Variants in GPR158 observed in about 807,000 individuals in gnomAD.
GPR158 encodes G protein-coupled receptor 158.
A neutral mutation model predicts 78.2 loss-of-function variants in GPR158; 30 were observed. That is an observed-to-expected ratio of 0.38 (90% CI 0.29 to 0.52). The LOEUF (loss-of-function observed/expected upper bound fraction) is 0.52, where lower values mean the gene tolerates loss of function less well. Ranked by LOEUF, GPR158 falls within the 20% of genes least tolerant of loss-of-function variation. GPR158 has a pLI of 0.83. For synonymous variants in GPR158, 581 were observed against 591.1 expected (o/e 0.98, Z 0.25); for missense variants, 1,463 against 1,523.5 (o/e 0.96, Z 0.66).
At chr10:25,206,004 T>G (rs1853023144) in intron 1 of GPR158, among the ~76,000 whole-genome samples, 1 of 125,260 alleles carries the variant, frequency 8.0e-6, no homozygotes, top group African/African-American at 3.2e-5. Flanking sequence ...TTTTTTTTTT[T>G]GAGATGGAGT....
chr10:25,384,943 A>C (rs922569128), intron 2 of GPR158, among the ~76,000 whole-genome samples: 7 of 152,308 alleles, frequency 4.6e-5, no homozygotes, highest in African/African-American at 1.2e-4. Flanking sequence ...TTTTGCTCTA[A>C]AATATTTTTT....
Position 25,314,886 on chromosome 10 carries a change from T to TATATATATATA in GPR158, c.1009-81025_1009-81024insATATATATATA, listed in dbSNP as rs1692175404. Among the ~76,000 whole-genome samples the TATATATATATA allele has an allele frequency of 2.6e-5, 3 of 114,296 alleles. No individual in the cohort carries two copies. In the South Asian group the frequency reaches 9.1e-4, roughly 35 times the overall value. 75.0% of individuals were successfully genotyped at this position (114,296 alleles called of 152,430 possible). A position where few individuals can be genotyped will look rare whatever the true frequency, so the allele number is the denominator to read the frequency against. The stretch of plus-strand genomic sequence containing the variant: ...TCATATATATATATATATATATATA[T>TATATATATATA]GACTAATGAGTTTACACATACACAC... On this transcript the variant is annotated intron_variant, in intron 2 of 10. Coordinates refer to ENST00000376351, the MANE Select transcript of GPR158 (RefSeq NM_020752.3).
intron 5 of GPR158, among the ~76,000 whole-genome samples, chr10:25,481,050 G>A (rs1019325735): frequency 2.0e-5 from 3 of 152,126 alleles, no homozygotes; most frequent in African/African-American, 7.2e-5. Context: ...AGGCAACACA[G>A]CAAAATAAAT....
intron 2 of GPR158, among the ~76,000 whole-genome samples, chr10:25,370,056 CT>C (rs1214869418): frequency 2.8e-5 from 4 of 143,678 alleles, no homozygotes; most frequent in Middle Eastern, 3.6e-3. Context: ...ATTCTTCTCT[CT>C]TTTTTTCTTT....
chr10:25,599,298 G>A lies in GPR158; in HGVS notation c.*24G>A, dbSNP rs1264017640. ...AGCATCTCCAGGAAGAAGAGGAAAA[G>A]GAGGGAACCCCGGATTGGATATGAG... is the stretch of plus-strand genomic sequence containing the variant. On this transcript the variant is annotated 3_prime_UTR_variant, in exon 11 of 11. Transcript: ENST00000376351. 1 of 1,537,068 alleles carries A rather than the reference G, an allele frequency of 6.5e-7. No homozygotes were observed. The highest frequency in any genetic ancestry group is 8.9e-7 in the Non-Finnish European group (1 of 1,125,318).
intron 1 of GPR158, among the ~76,000 whole-genome samples, chr10:25,195,701 T>C (rs1378432444): frequency 1.3e-5 from 2 of 152,230 alleles, no homozygotes; most frequent in African/African-American, 4.8e-5. Context: ...TTCTTATTTC[T>C]AAAATTCTTC....
intron 2 of GPR158, among the ~76,000 whole-genome samples, chr10:25,307,668 C>A (rs1253572273): frequency 1.3e-5 from 2 of 152,142 alleles, no homozygotes; most frequent in Non-Finnish European, 2.9e-5. Flanking sequence ...AGCCACCATA[C>A]CTGTCCCATT....
In GPR158 at chr10:25,363,230, A is replaced by G. The variant is rs1429763964; in HGVS notation, c.1009-32681A>G. On this transcript the variant is annotated intron_variant, in intron 2 of 10. Coordinates refer to ENST00000376351, the MANE Select transcript of GPR158 (RefSeq NM_020752.3). Reference sequence around the variant, plus strand: ...TTTATAGATCCAATCACAGCATCCCATATTTTTATGTCAAATTGTATTTTG... The same window carrying G: ...TTTATAGATCCAATCACAGCATCCCGTATTTTTATGTCAAATTGTATTTTG... Among the ~76,000 whole-genome samples the G allele has an allele frequency of 3.9e-5, 6 of 152,064 alleles. No individual in the cohort carries two copies. In the East Asian group the frequency reaches 1.2e-3, roughly 30 times the overall value.
At chr10:25,546,451 T>C (rs1041222508) in intron 5 of GPR158, among the ~76,000 whole-genome samples, 2 of 152,122 alleles carry the variant, frequency 1.3e-5, no homozygotes, top group Non-Finnish European at 2.9e-5. Context: ...GCTTAAAATA[T>C]TACATTATGT....
At chr10:25,574,146 CAAAAAAAAAAAAAAA>C (rs34285790) in intron 7 of GPR158, among the ~76,000 whole-genome samples, 1 of 62,318 alleles carries the variant, frequency 1.6e-5, no homozygotes, top group Non-Finnish European at 2.8e-5. Flanking sequence ...TTCTGTTTTA[CAAAAAAAAAAAAAAA>C]AAAAAAAAAA....
intron 4 of GPR158, among the ~76,000 whole-genome samples, chr10:25,463,797 C>T (rs1193228273): frequency 6.6e-6 from 1 of 151,986 alleles, no homozygotes; most frequent in East Asian, 1.9e-4. Context: ...CTATATTTTG[C>T]TTTGAACTTG....
At chr10:25,551,445 C>A (rs147301070) in intron 6 of GPR158, among the ~76,000 whole-genome samples, 1 of 152,164 alleles carries the variant, frequency 6.6e-6, no homozygotes, top group Non-Finnish European at 1.5e-5. Flanking sequence ...GAATCCCATA[C>A]AGAAACACAC....
Position 25,211,391 on chromosome 10 carries a change from G to A in GPR158, c.903-9661G>A, listed in dbSNP as rs1041141919. Reference sequence around the variant, plus strand: ...GAAGTCCATTGTTGGGAGGCCACACGTGGTGAGGGTCTTGTTGCTGTGTCA... The same window carrying A: ...GAAGTCCATTGTTGGGAGGCCACACATGGTGAGGGTCTTGTTGCTGTGTCA... On this transcript the variant is annotated intron_variant, in intron 1 of 10. Transcript: ENST00000376351. Among the ~76,000 whole-genome samples the A allele has an allele frequency of 3.3e-5, 5 of 152,156 alleles. No individual in the cohort carries two copies. In the East Asian group the frequency reaches 7.7e-4, roughly 23 times the overall value.
intron 2 of GPR158, among the ~76,000 whole-genome samples, chr10:25,306,969 GT>G (rs1318938290): frequency 1.3e-5 from 2 of 151,430 alleles, no homozygotes; most frequent in Admixed American, 1.3e-4. Flanking sequence ...TAGGGAAAGG[GT>G]TGGGGGAGAG....
intron 5 of GPR158, among the ~76,000 whole-genome samples, chr10:25,507,307 T>C (rs1836026260): frequency 6.6e-6 from 1 of 152,218 alleles, no homozygotes; most frequent in Admixed American, 6.5e-5. Context: ...TAAAGATGAC[T>C]ACACAGAGCT....
intron 8 of GPR158, among the ~76,000 whole-genome samples, chr10:25,589,935 T>C (rs916236283): frequency 6.6e-6 from 1 of 152,244 alleles, no homozygotes. Context: ...TTGACAGATA[T>C]GGAAAGTTAG....
intron 2 of GPR158, among the ~76,000 whole-genome samples, chr10:25,235,652 G>A (rs1428571526): frequency 6.7e-6 from 1 of 150,216 alleles, no homozygotes; most frequent in African/African-American, 2.4e-5. Flanking sequence ...TGTAAAATGA[G>A]GACAGTTTTT....
At chr10:25,412,550 A>G (rs1178995031) in intron 4 of GPR158, 77 bp downstream of exon 4, 6 of 980,962 alleles carry the variant, frequency 6.1e-6, no homozygotes, top group Middle Eastern at 3.2e-4. Context: ...GAATTTTCCA[A>G]TTCAAGTTGC....
chr10:25,257,439 A>G (rs1309756112), intron 2 of GPR158, among the ~76,000 whole-genome samples: 1 of 152,220 alleles, frequency 6.6e-6, no homozygotes, highest in Non-Finnish European at 1.5e-5. Flanking sequence ...TTTCATGTGA[A>G]CGAACAGTGG....
Sources: allele counts gnomAD v4.1 joint callset (sites outside exome capture counted in the v4.1 genomes callset), GRCh38; gene constraint gnomAD v4.1.1; transcripts MANE v1.5; gene names NCBI Gene and HGNC (gene_info 2026-07-23, HGNC 2026-07-21).